Variants in UVSSA observed in about 807,000 individuals in gnomAD.
The protein encoded by UVSSA is UV-stimulated scaffold protein A.
A neutral mutation model predicts 73.9 loss-of-function variants in UVSSA; 72 were observed. The ratio of observed to expected loss-of-function variants is 0.97; its 90% CI spans 0.81 to 1.19. UVSSA has a LOEUF of 1.19. Among genes scored for constraint, UVSSA ranks in the 50% most tolerant of loss-of-function variants. UVSSA has a pLI of 0.00. For missense variants in UVSSA, 1,150 were observed against 965.0 expected (o/e 1.19, Z -2.54); for synonymous variants, 454 against 391.3 (o/e 1.16, Z -1.89).
chr4:1,361,879 GAAAC>G (rs1395298645), intron 7 of UVSSA, among the ~76,000 whole-genome samples: 1 of 150,756 alleles, frequency 6.6e-6, no homozygotes, highest in African/African-American at 2.4e-5. Flanking sequence ...TATAAAAAGG[GAAAC>G]AGACACACAT....
Position 1,349,605 on chromosome 4 carries a change from A to G in UVSSA, c.180A>G (p.Ser60=). 1 of 1,614,128 alleles carries G rather than the reference A, an allele frequency of 6.2e-7. No homozygotes were observed. Among genetic ancestry groups the G allele is most frequent in the South Asian group, 1.1e-5 (1 of 91,084 alleles). ...AGGAGCACGCCGAGATCCGTCTCTC[A>G]GCCTTCCAGATTGTGGAGGAACTCT... ...LTQEHAEIRL[S]AFQIVEELFV... The change falls in exon 3 of 14, where the codon TCA becomes TCG. Residue 60 remains serine, a synonymous_variant. Transcript: ENST00000389851.
chr4:1,359,270 T>G (rs1434229262), intron 7 of UVSSA: 1 of 152,182 alleles, frequency 6.6e-6, no homozygotes, highest in Non-Finnish European at 1.5e-5. Context: ...CTGTGTGGCT[T>G]CCGTCTGGGA....
At chr4:1,358,373 T>A (rs980202720) in intron 7 of UVSSA, 1 of 152,316 alleles carries the variant, frequency 6.6e-6, no homozygotes, top group Non-Finnish European at 1.5e-5. Flanking sequence ...ATTGAGGATG[T>A]CACAGCTCCG....
chr4:1,363,006 G>T (rs1365861717), intron 7 of UVSSA, among the ~76,000 whole-genome samples: 1 of 152,212 alleles, frequency 6.6e-6, no homozygotes, highest in Non-Finnish European at 1.5e-5. Flanking sequence ...GTGGGTTTCA[G>T]ACATGAGAGT....
chr4:1,355,455 G>A (rs1471395821), intron 7 of UVSSA, among the ~76,000 whole-genome samples: 1 of 152,250 alleles, frequency 6.6e-6, no homozygotes, highest in African/African-American at 2.4e-5. Context: ...GCAGCTGTCG[G>A]GTGTTGCCCG....
Position 1,383,143 on chromosome 4 carries a change from C to T in UVSSA, c.1862-623C>T, listed in dbSNP as rs906005438. ...TTTCTGTCCCCTCACTGCCACAGGG[C>T]CTCAAGCAGACAATGCACGGCTTGC... On this transcript the variant is annotated intron_variant, in intron 12 of 13. Transcript: ENST00000389851. 3.3e-5 allele frequency among the ~76,000 whole-genome samples: 5 copies of T among 152,278 alleles called. No individual in the cohort carries two copies. The East Asian group carries it at 9.7e-4, about 29-fold the overall frequency.
chr4:1,395,630 G>A (rs141444125), exon 14 of UVSSA: 437 of 1,595,098 alleles, frequency 2.7e-4, no homozygotes, highest in Non-Finnish European at 3.3e-4. Flanking sequence ...TGGAGTGCCC[G>A]CCTGCTCACA....
chr4:1,367,284 C>T (rs1402261883), intron 8 of UVSSA, among the ~76,000 whole-genome samples: 1 of 152,190 alleles, frequency 6.6e-6, no homozygotes, highest in Non-Finnish European at 1.5e-5. Flanking sequence ...CCAGGTGGGT[C>T]TACTCTTAAA....
intron 10 of UVSSA, among the ~76,000 whole-genome samples, chr4:1,378,613 C>T (rs565697537): frequency 6.6e-6 from 1 of 152,264 alleles, no homozygotes; most frequent in East Asian, 1.9e-4. Flanking sequence ...TGCACCTGGA[C>T]GGGGAGGAAG....
At chr4:1,345,281 G>A (rs567970562), upstream of UVSSA, among the ~76,000 whole-genome samples, 3 of 152,278 alleles carry the variant, frequency 2.0e-5, no homozygotes, top group South Asian at 2.1e-4. Context: ...TGGGCATGGA[G>A]TGAGAGGAAG....
upstream of UVSSA, among the ~76,000 whole-genome samples, chr4:1,345,751 G>A (rs1055429902): frequency 4.6e-5 from 7 of 151,928 alleles, no homozygotes; most frequent in Admixed American, 2.0e-4. Flanking sequence ...AGGGCTGAGA[G>A]GACACCCCGG....
chr4:1,392,897 T>C (rs1288492910), downstream of UVSSA: 1 of 152,232 alleles, frequency 6.6e-6, no homozygotes, highest in African/African-American at 2.4e-5. Context: ...GGGACCCCTT[T>C]AAGTGCTTTG....
intron 7 of UVSSA, among the ~76,000 whole-genome samples, chr4:1,355,637 C>A (rs1184775883): frequency 6.6e-6 from 1 of 152,168 alleles, no homozygotes; most frequent in African/African-American, 2.4e-5. Flanking sequence ...AACCCTCAGA[C>A]GGCCAGGAGG....
downstream of UVSSA, chr4:1,389,508 A>G (rs1720352066): frequency 6.6e-6 from 1 of 152,218 alleles, no homozygotes; most frequent in Non-Finnish European, 1.5e-5. Flanking sequence ...AGTAGCTAAG[A>G]CTACAGGGGC....
chr4:1,394,171 C>T, exon 14 of UVSSA: 1 of 442,968 alleles, frequency 2.3e-6, no homozygotes, highest in South Asian at 2.2e-5. Context: ...GGCACACACA[C>T]AGCTCTGTGC....
chr4:1,367,625 G>T (rs1034772710), intron 8 of UVSSA, among the ~76,000 whole-genome samples: 5 of 152,100 alleles, frequency 3.3e-5, no homozygotes, highest in Non-Finnish European at 7.4e-5. Context: ...GAGCTTGAGG[G>T]TCTGGAAGAA....
chr4:1,395,181 G>T, exon 14 of UVSSA: 6 of 1,427,288 alleles, frequency 4.2e-6, no homozygotes, highest in Non-Finnish European at 5.6e-6. Context: ...GCTCACACGT[G>T]CCGATGCGGA....
chr4:1,364,739 G>A (rs1190646498), intron 7 of UVSSA, among the ~76,000 whole-genome samples: 1 of 152,036 alleles, frequency 6.6e-6, no homozygotes, highest in Non-Finnish European at 1.5e-5. Flanking sequence ...CTCAACCCTG[G>A]GGGCATCTCC....
At chr4:1,356,135 G>A (rs1209308475) in intron 7 of UVSSA, among the ~76,000 whole-genome samples, 2 of 152,158 alleles carry the variant, frequency 1.3e-5, no homozygotes, top group Non-Finnish European at 2.9e-5. Flanking sequence ...CCCTGAGCTC[G>A]GACCCCAAAT....
Sources: gnomAD v4.1 joint callset for allele counts (sites outside exome capture counted in the v4.1 genomes callset) on GRCh38, gnomAD v4.1.1 for gene constraint, MANE v1.5 for transcripts, NCBI Gene and HGNC (gene_info 2026-07-23, HGNC 2026-07-21) for gene names.